The following FGF13 variants were observed in gnomAD, a reference collection of about 807,000 sequenced individuals.
FGF13 encodes fibroblast growth factor homologous factor 2.
A neutral mutation model predicts 19.5 loss-of-function variants in FGF13; 2 were observed. The ratio of observed to expected loss-of-function variants is 0.10; its 90% CI spans 0.04 to 0.32. FGF13 has a LOEUF of 0.32. FGF13 is among the 10% of genes least tolerant of loss of function. The pLI is 1.00. For missense variants in FGF13, 113 were observed against 192.7 expected, an observed-to-expected ratio of 0.59 and a Z score of 2.45; for synonymous variants, 72 against 76.9, an observed-to-expected ratio of 0.94 and a Z score of 0.33.
chrX:139,117,079 C>T lies in FGF13; in HGVS notation c.-113+86337G>A, dbSNP rs758917645. Among the ~76,000 whole-genome samples, 4 of 110,921 alleles carry T rather than the reference C, an allele frequency of 3.6e-5. No homozygotes were observed. The Admixed American group carries it at 3.8e-4, about 11-fold the overall frequency. On this transcript the variant is annotated intron_variant, in intron 1 of 2. Transcript: ENST00000421460. ...ATGTGCCAGACACTGTGCTAAAGGC[C>T]TTTTAGGAGTAATCACTCAAGTAAA...
At chrX:138,647,726 T>C (rs753280383) in intron 3 of FGF13, among the ~76,000 whole-genome samples, 1 of 112,210 alleles carries the variant, frequency 8.9e-6, no homozygotes, top group Admixed American at 9.5e-5. Flanking sequence ...AATTTTCAAA[T>C]ATTTGTTACC....
intron 3 of FGF13, among the ~76,000 whole-genome samples, chrX:138,762,288 G>A (rs897112885): frequency 1.8e-5 from 2 of 110,881 alleles, no homozygotes; most frequent in Non-Finnish European, 3.8e-5. Flanking sequence ...GATAACCACT[G>A]TATGTGGAAG....
At chrX:138,651,585 T>C (rs2089373846) in intron 3 of FGF13, among the ~76,000 whole-genome samples, 2 of 111,558 alleles carry the variant, frequency 1.8e-5, no homozygotes, top group Admixed American at 9.5e-5. Context: ...TCATTTAGGG[T>C]GTAATATGCT....
chrX:138,961,830 A>G (rs1386287345), intron 1 of FGF13, among the ~76,000 whole-genome samples: 1 of 112,115 alleles, frequency 8.9e-6, no homozygotes, highest in African/African-American at 3.3e-5. Flanking sequence ...TACACCTTAT[A>G]CAAAAATTAA....
chrX:138,996,355 A>T (rs2092042769), intron 1 of FGF13, among the ~76,000 whole-genome samples: 1 of 112,591 alleles, frequency 8.9e-6, no homozygotes, highest in Admixed American at 9.3e-5. Context: ...GGTCTTTGCA[A>T]CCAGCAGACC....
At chrX:138,668,373 A>T (rs752747973) in intron 3 of FGF13, among the ~76,000 whole-genome samples, 2 of 111,182 alleles carry the variant, frequency 1.8e-5, no homozygotes, top group East Asian at 2.9e-4. Context: ...TTAAAGGCAG[A>T]TATTATGTAT....
In FGF13 at chrX:138,807,258, T is replaced by A. The variant is rs557032803; in HGVS notation, c.217+50254A>T. ...TTTTTACGTTTTACAACAGCAAATT[T>A]CAGTTTATGTAACTGAAACACTATG... On this transcript the variant is annotated intron_variant, in intron 3 of 6. Transcript: ENST00000436198. Among the ~76,000 whole-genome samples the A allele has an allele frequency of 1.4e-4, 16 of 112,155 alleles. No homozygotes were observed. In the South Asian group the frequency reaches 6.1e-3, roughly 42 times the overall value.
intron 1 of FGF13, among the ~76,000 whole-genome samples, chrX:139,102,155 C>T (rs1327969791): frequency 8.9e-6 from 1 of 112,234 alleles, no homozygotes; most frequent in Non-Finnish European, 1.9e-5. Context: ...TATTATAAAA[C>T]AGCCTGCTGA....
At chrX:139,084,163 A>C (rs2083389176) in intron 1 of FGF13, among the ~76,000 whole-genome samples, 1 of 110,055 alleles carries the variant, frequency 9.1e-6, no homozygotes, top group African/African-American at 3.3e-5. Context: ...TGAATATGAT[A>C]ATGGAGAAAA....
At chrX:139,086,597 C>A (rs185483519) in intron 1 of FGF13, among the ~76,000 whole-genome samples, 13 of 111,984 alleles carry the variant, frequency 1.2e-4, no homozygotes, top group Non-Finnish European at 1.7e-4. Flanking sequence ...ATGATGGATA[C>A]CGCAAGTACT....
intron 1 of FGF13, among the ~76,000 whole-genome samples, chrX:138,987,932 G>T (rs895163218): frequency 8.9e-6 from 1 of 111,868 alleles, no homozygotes; most frequent in Non-Finnish European, 1.9e-5. Context: ...GGATAGGAAT[G>T]AATTTTATCA....
intron 3 of FGF13, among the ~76,000 whole-genome samples, chrX:138,759,023 G>A (rs969183505): frequency 8.9e-6 from 1 of 112,006 alleles, no homozygotes; most frequent in Non-Finnish European, 1.9e-5. Flanking sequence ...GGCCAACAGG[G>A]TAGCAAAAAG....
At chrX:139,032,324 C>T (rs755845782) in intron 1 of FGF13, among the ~76,000 whole-genome samples, 8 of 111,614 alleles carry the variant, frequency 7.2e-5, no homozygotes, top group Non-Finnish European at 1.9e-5. Flanking sequence ...CACCAAACCA[C>T]GCATCTTCCA....
At chrX:138,905,602 A>C (rs183655735) in intron 1 of FGF13, among the ~76,000 whole-genome samples, 100 of 112,097 alleles carry the variant, frequency 8.9e-4, no homozygotes, top group Non-Finnish European at 3.6e-4. Context: ...TTGTGGTCTG[A>C]TGTATTTTTG....
At position 139,076,443 on chromosome X, in the gene FGF13, T is replaced by TA. The variant is rs201407492; in HGVS notation, c.-113+126972dup. On this transcript the variant is annotated intron_variant, in intron 1 of 2. Coordinates refer to the FGF13 transcript ENST00000421460. Reference sequence around the variant, plus strand: ...TTCGCATTCACCAGATCTAAAAAGGTAAAAAAAACAAACACACACACACAC... The same window carrying TA: ...TTCGCATTCACCAGATCTAAAAAGGTAAAAAAAAACAAACACACACACACAC... Among the ~76,000 whole-genome samples the TA allele has an allele frequency of 4.8e-3, 536 of 110,981 alleles. 6 individuals are homozygous for TA. The highest frequency in any genetic ancestry group is 0.015 in the African/African-American group (473 of 30,547).
At chrX:138,908,475 C>T (rs2091570978) in intron 1 of FGF13, among the ~76,000 whole-genome samples, 1 of 105,954 alleles carries the variant, frequency 9.4e-6, no homozygotes, top group Non-Finnish European at 1.9e-5. Context: ...TCATTTTTGT[C>T]ATCTATTACT....
chrX:138,687,255 G>C (rs915378737), intron 3 of FGF13, among the ~76,000 whole-genome samples: 5 of 109,957 alleles, frequency 4.5e-5, no homozygotes, highest in African/African-American at 1.7e-4. Flanking sequence ...ACCTAACAAG[G>C]GATTAATAAG....
At chrX:138,756,887 T>C (rs1270972635) in intron 3 of FGF13, among the ~76,000 whole-genome samples, 2 of 111,607 alleles carry the variant, frequency 1.8e-5, no homozygotes, top group Non-Finnish European at 3.8e-5. Flanking sequence ...CCTCCTTCTT[T>C]CTCTTGATCT....
At chrX:139,118,580 A>C (rs1359186493) in intron 1 of FGF13, among the ~76,000 whole-genome samples, 1 of 111,800 alleles carries the variant, frequency 8.9e-6, no homozygotes, top group Non-Finnish European at 1.9e-5. Context: ...TCAATGGTTT[A>C]TAGGCTATCA....
Sources: gnomAD v4.1 joint callset for allele counts (sites outside exome capture counted in the v4.1 genomes callset) on GRCh38, gnomAD v4.1.1 for gene constraint, MANE v1.5 for transcripts, NCBI Gene and HGNC (gene_info 2026-07-23, HGNC 2026-07-21) for gene names.